DDX19B: variants seen among roughly 807,000 people sequenced by gnomAD.
DDX19B encodes DEAD-box helicase 19B, also known as ATP-dependent RNA helicase DDX19B.
In DDX19B, 27 loss-of-function variants were observed where a neutral mutation model predicts 58.1. The observed-to-expected ratio is 0.46, with a 90% confidence interval of 0.34 to 0.64. The LOEUF (loss-of-function observed/expected upper bound fraction) is 0.64, where lower values mean the gene tolerates loss of function less well. Among genes scored for constraint, DDX19B ranks in the 30% least tolerant of loss-of-function variants. The probability of loss-of-function intolerance (pLI) is 0.01; values close to 1 mark genes in which losing one functional copy is unlikely to be tolerated. For synonymous variants in DDX19B, 187 were observed against 214.4 expected (o/e 0.87, Z 1.12); for missense variants, 399 against 596.5 (o/e 0.67, Z 3.45).
intron 1 of DDX19B, 125 bp downstream of exon 1, chr16:70,299,479 G>GCCTGGAC: frequency 8.6e-7 from 1 of 1,166,042 alleles, no homozygotes; most frequent in East Asian, 2.9e-5. Context: ...TAGGGATGGA[G>GCCTGGAC]CCTGGACCCT....
upstream of DDX19B, among the ~76,000 whole-genome samples, chr16:70,292,937 C>T (rs1243380824): frequency 2.6e-5 from 4 of 152,074 alleles, no homozygotes; most frequent in South Asian, 4.2e-4. Context: ...GAAACCCCAT[C>T]TCTACTAAAA....
rs1208284232 is a variant in DDX19B, at chr16:70,329,187, C to T, written c.608-105C>T. The T allele has an allele frequency of 4.2e-6, 6 of 1,443,806 alleles. No individual in the cohort carries two copies. In the African/African-American group the frequency reaches 6.0e-5, roughly 14 times the overall value. 89.4% of individuals were successfully genotyped at this position (1,443,806 alleles called of 1,614,324 possible). On this transcript the variant is annotated intron_variant, in intron 7 of 11. Coordinates refer to ENST00000288071, the MANE Select transcript of DDX19B (RefSeq NM_007242.7). ...GCAGTGAGTCGAGATCATGCCATTG[C>T]ACTCCAGCCTGGGCAACAGAGTGAG...
At chr16:70,316,619 C>A (rs1288635949) in intron 4 of DDX19B, among the ~76,000 whole-genome samples, 4 of 152,156 alleles carry the variant, frequency 2.6e-5, no homozygotes, top group African/African-American at 7.2e-5. Flanking sequence ...AGTTGCAGAC[C>A]AGCCTGGGCA....
At chr16:70,312,762 G>A (rs1458070401) in intron 2 of DDX19B, 105 bp downstream of exon 2, 20 of 870,870 alleles carry the variant, frequency 2.3e-5, no homozygotes, top group Non-Finnish European at 3.5e-5. Flanking sequence ...ACCAGGCAGG[G>A]CATTGGCAGA....
In DDX19B at chr16:70,335,034, A is replaced by C. The variant is rs1597509738; in HGVS notation, c.*1452A>C. ...TTTAGGCCAGATCTGCCTCCTGGGA[A>C]GGGAAGGGGCCAATGTCAGCCTCCA... On this transcript the variant is annotated 3_prime_UTR_variant, in exon 12 of 12. Transcript: ENST00000288071. 1 of 152,130 alleles carries C rather than the reference A, an allele frequency of 6.6e-6. No individual in the cohort carries two copies. The highest frequency in any genetic ancestry group is 1.9e-4 in the East Asian group (1 of 5,192). The allele number at this position is 152,130 out of a possible 1,614,324, so 9.4% of individuals were successfully genotyped here.
Position 70,334,810 on chromosome 16 carries a change from A to C in DDX19B, c.*1228A>C, listed in dbSNP as rs1963640454. On this transcript the variant is annotated 3_prime_UTR_variant, in exon 12 of 12. Coordinates refer to ENST00000288071, the MANE Select transcript of DDX19B (RefSeq NM_007242.7). Reference sequence around the variant, plus strand: ...AATGGACACTTCTCACACCTGGCCAAGGCTGTTGGTACCCACGAAATGACA... The same window carrying C: ...AATGGACACTTCTCACACCTGGCCACGGCTGTTGGTACCCACGAAATGACA... 6.6e-6 allele frequency: 1 copy of C among 152,248 alleles called. No individual in the cohort carries two copies. Among genetic ancestry groups the C allele is most frequent in the South Asian group, 2.1e-4 (1 of 4,832 alleles). The allele number at this position is 152,248 out of a possible 1,614,324, so 9.4% of individuals were successfully genotyped here.
intron 9 of DDX19B, among the ~76,000 whole-genome samples, chr16:70,330,455 G>T (rs1214411947): frequency 6.6e-6 from 1 of 152,096 alleles, no homozygotes; most frequent in Non-Finnish European, 1.5e-5. Flanking sequence ...GTGCGTGGTG[G>T]TGTGCACCTG....
At chr16:70,323,088 C>CGTTTTTT (rs954745691) in intron 5 of DDX19B, among the ~76,000 whole-genome samples, 10 of 151,852 alleles carry the variant, frequency 6.6e-5, no homozygotes, top group East Asian at 1.9e-4. Flanking sequence ...GCGGCTGCTC[C>CGTTTTTT]GTTTTTTGTT....
At chr16:70,304,497 C>T (rs1304984962) in intron 1 of DDX19B, among the ~76,000 whole-genome samples, 11 of 151,200 alleles carry the variant, frequency 7.3e-5, no homozygotes, top group Admixed American at 1.3e-4. Flanking sequence ...CTTAGTCCCC[C>T]GAGTAGCTGG....
At chr16:70,306,243 C>G (rs1029897474) in intron 1 of DDX19B, among the ~76,000 whole-genome samples, 11 of 152,034 alleles carry the variant, frequency 7.2e-5, no homozygotes, top group African/African-American at 2.4e-4. Flanking sequence ...CCTTGACCTC[C>G]CAGGCTCATG....
rs775904321 is a variant in DDX19B, at chr16:70,312,593, C to G, written c.58-16C>G. 2 of 1,611,834 alleles carry G rather than the reference C, an allele frequency of 1.2e-6. No homozygotes were observed. Among genetic ancestry groups the G allele is most frequent in the South Asian group, 1.1e-5 (1 of 90,842 alleles). On this transcript the variant is annotated splice_polypyrimidine_tract_variant and intron_variant, in intron 1 of 11. Coordinates refer to ENST00000288071, the MANE Select transcript of DDX19B (RefSeq NM_007242.7). ...TTTTCCTGACACTTTCCCCCTCCCC[C>G]ATATTCTCCATTTAGTTGAGCAACT...
intron 5 of DDX19B, among the ~76,000 whole-genome samples, chr16:70,322,492 G>A (rs773097913): frequency 5.3e-5 from 8 of 151,216 alleles, no homozygotes; most frequent in Non-Finnish European, 1.2e-4. Flanking sequence ...GGAGGCTGAG[G>A]CTCCGGAATT....
Position 70,329,137 on chromosome 16 carries a change from C to G in DDX19B, c.608-155C>G, listed in dbSNP as rs576970474. On this transcript the variant is annotated intron_variant, in intron 7 of 11. Coordinates refer to ENST00000288071, the MANE Select transcript of DDX19B (RefSeq NM_007242.7). The stretch of plus-strand genomic sequence containing the variant: ...ACTTGGGAGGCTGAGGCAGGAGAAT[C>G]GCTTGAACCTGGGCGGCAGAGGTTG... 3.4e-3 allele frequency among the ~76,000 whole-genome samples: 503 copies of G among 148,924 alleles called. 7 individuals carry two copies. Among genetic ancestry groups the G allele is most frequent in the African/African-American group, 0.012 (466 of 40,324 alleles).
In DDX19B at chr16:70,334,262, A is replaced by AGAGT. The variant is rs1963624185; in HGVS notation, c.*682_*685dup. 1 of 153,316 alleles carries AGAGT rather than the reference A, an allele frequency of 6.5e-6. No individual in the cohort carries two copies. Among genetic ancestry groups the AGAGT allele is most frequent in the Non-Finnish European group, 1.4e-5 (1 of 69,044 alleles). The allele number at this position is 153,316 out of a possible 1,614,324, so 9.5% of individuals were successfully genotyped here. A position where few individuals can be genotyped will look rare whatever the true frequency, so the allele number is the denominator to read the frequency against. ...TGTTCTCGGTGGGTGCAGTCTGTGTAGAGTGCACATCTGATTATTGGTGGG... is the reference window on the plus strand; with the variant it reads ...TGTTCTCGGTGGGTGCAGTCTGTGTAGAGTGAGTGCACATCTGATTATTGGTGGG... On this transcript the variant is annotated 3_prime_UTR_variant, in exon 12 of 12. Transcript: ENST00000288071.
intron 11 of DDX19B, 107 bp from the exon 12 acceptor site, chr16:70,333,414 C>A: frequency 2.0e-6 from 3 of 1,510,212 alleles, no homozygotes; most frequent in Non-Finnish European, 2.7e-6. Context: ...GGCCCTGCTG[C>A]CCCCTGCTTA....
chr16:70,289,829 A>T, upstream of DDX19B: 1 of 415,300 alleles, frequency 2.4e-6, no homozygotes, highest in South Asian at 1.7e-5. Flanking sequence ...ACCACAATTG[A>T]CATAGTTAAA....
chr16:70,293,195 T>C (rs985405784), upstream of DDX19B, among the ~76,000 whole-genome samples: 15 of 152,238 alleles, frequency 9.9e-5, no homozygotes, highest in African/African-American at 3.6e-4. Context: ...GGTGGGTGGA[T>C]GGCTTGAGCC....
intron 5 of DDX19B, chr16:70,319,833 A>C (rs1233409343): frequency 1.3e-5 from 2 of 152,166 alleles, no homozygotes; most frequent in African/African-American, 4.8e-5. Context: ...TTGAGGCTAC[A>C]GTGAGCAAAG....
intron 5 of DDX19B, among the ~76,000 whole-genome samples, chr16:70,320,360 G>A (rs1424825425): frequency 6.7e-6 from 1 of 149,940 alleles, no homozygotes; most frequent in African/African-American, 2.5e-5. Context: ...CTCCCACCTT[G>A]GCCTCCCCCA....
Sources: gnomAD v4.1 joint callset for allele counts (sites outside exome capture counted in the v4.1 genomes callset) on GRCh38, gnomAD v4.1.1 for gene constraint, MANE v1.5 for transcripts, NCBI Gene and HGNC (gene_info 2026-07-23, HGNC 2026-07-21) for gene names.